The following LHFPL2 variants were observed in gnomAD, a reference collection of about 807,000 sequenced individuals.
LHFPL2 encodes the protein LHFPL tetraspan subfamily member 2 protein.
A neutral mutation model predicts 17.5 loss-of-function variants in LHFPL2; 7 were observed. That is an observed-to-expected ratio of 0.40 (90% confidence interval 0.23 to 0.75). The LOEUF is 0.75. Ranked by LOEUF, LHFPL2 falls within the 30% of genes least tolerant of loss-of-function variation. The pLI, the probability that LHFPL2 is intolerant of heterozygous loss-of-function variation, is 0.37. For synonymous variants in LHFPL2, 134 were observed against 116.2 expected (o/e 1.15, Z -0.99); for missense variants, 241 against 294.8 (o/e 0.82, Z 1.34).
intron 2 of LHFPL2, among the ~76,000 whole-genome samples, chr5:78,611,085 ATTC>A (rs1048216381): frequency 3.3e-5 from 5 of 152,330 alleles, no homozygotes; most frequent in Non-Finnish European, 7.3e-5. Flanking sequence ...GGAGGTATAA[ATTC>A]TTCTTCTAAG....
intron 3 of LHFPL2, among the ~76,000 whole-genome samples, chr5:78,558,415 G>A (rs1756638588): frequency 6.6e-6 from 1 of 152,194 alleles, no homozygotes; most frequent in South Asian, 2.1e-4. Context: ...CATGCAGATG[G>A]AATGACAACA....
chr5:78,532,402 T>A (rs1459462276), intron 3 of LHFPL2, among the ~76,000 whole-genome samples: 1 of 152,108 alleles, frequency 6.6e-6, no homozygotes, highest in Non-Finnish European at 1.5e-5. Flanking sequence ...CTAAGAGATG[T>A]GGCCATAAAG....
At chr5:78,624,459 G>T (rs1744962456) in intron 2 of LHFPL2, among the ~76,000 whole-genome samples, 1 of 152,212 alleles carries the variant, frequency 6.6e-6, no homozygotes, top group African/African-American at 2.4e-5. Context: ...AGGCCAAGTG[G>T]TAAAGCCTGA....
chr5:78,572,237 A>G (rs1030685809), intron 2 of LHFPL2, among the ~76,000 whole-genome samples: 2 of 151,916 alleles, frequency 1.3e-5, no homozygotes, highest in Non-Finnish European at 2.9e-5. Context: ...CATATGAAAG[A>G]GTGAGATTAC....
At chr5:78,492,077 G>A (rs886095883) in intron 4 of LHFPL2, among the ~76,000 whole-genome samples, 1 of 152,184 alleles carries the variant, frequency 6.6e-6, no homozygotes, top group Non-Finnish European at 1.5e-5. Context: ...AAGGTATGAT[G>A]GGGATGTTAA....
At chr5:78,594,381 T>A (rs1743755637) in intron 2 of LHFPL2, among the ~76,000 whole-genome samples, 1 of 152,260 alleles carries the variant, frequency 6.6e-6, no homozygotes, top group Admixed American at 6.5e-5. Context: ...CTATTCACTG[T>A]ATCTGTAATA....
chr5:78,557,306 C>T (rs1756597308), intron 3 of LHFPL2, among the ~76,000 whole-genome samples: 1 of 152,192 alleles, frequency 6.6e-6, no homozygotes, highest in African/African-American at 2.4e-5. Context: ...CTGCCAGTTT[C>T]CAGATGAATA....
At chr5:78,537,406 T>C (rs1429175803) in intron 3 of LHFPL2, among the ~76,000 whole-genome samples, 1 of 152,216 alleles carries the variant, frequency 6.6e-6, no homozygotes, top group Non-Finnish European at 1.5e-5. Context: ...AGATCTATTT[T>C]TAGGTGTCAA....
chr5:78,593,545 T>C (rs1743720364), intron 2 of LHFPL2, among the ~76,000 whole-genome samples: 1 of 152,164 alleles, frequency 6.6e-6, no homozygotes, highest in African/African-American at 2.4e-5. Flanking sequence ...CTCCAGAAGG[T>C]CATGGTTTAT....
chr5:78,644,778 C>A, intron 1 of LHFPL2: 1 of 232,960 alleles, frequency 4.3e-6, no homozygotes, highest in South Asian at 7.1e-5. Context: ...GTGCTCCTCC[C>A]AACAAGTGTG....
chr5:78,562,466 C>A (rs1299188177), intron 3 of LHFPL2, among the ~76,000 whole-genome samples: 1 of 152,102 alleles, frequency 6.6e-6, no homozygotes, highest in Non-Finnish European at 1.5e-5. Context: ...GAAACCCAGT[C>A]TCTGCTAAAA....
intron 2 of LHFPL2, among the ~76,000 whole-genome samples, chr5:78,578,615 AC>A (rs1245947141): frequency 5.9e-5 from 9 of 151,728 alleles, no homozygotes; most frequent in Non-Finnish European, 1.0e-4. Context: ...ACACACACAC[AC>A]ACACAGAGAC....
intron 3 of LHFPL2, among the ~76,000 whole-genome samples, chr5:78,529,109 TC>T (rs1379550163): frequency 1.3e-4 from 20 of 149,116 alleles, no homozygotes; most frequent in African/African-American, 4.7e-4. Context: ...AGACCACGTC[TC>T]TGAAAAAAAA....
At chr5:78,615,807 C>T (rs551297695) in intron 2 of LHFPL2, among the ~76,000 whole-genome samples, 1 of 152,274 alleles carries the variant, frequency 6.6e-6, no homozygotes, top group South Asian at 2.1e-4. Context: ...CTGAGGGATA[C>T]ACAAAAAATA....
intron 3 of LHFPL2, among the ~76,000 whole-genome samples, chr5:78,524,030 A>C (rs981769317): frequency 1.3e-5 from 2 of 152,182 alleles, no homozygotes; most frequent in Non-Finnish European, 2.9e-5. Flanking sequence ...GAAGACCTTA[A>C]ACTTCTCCAA....
chr5:78,562,862 T>C (rs922079336), intron 3 of LHFPL2, among the ~76,000 whole-genome samples: 1 of 152,178 alleles, frequency 6.6e-6, no homozygotes, highest in East Asian at 1.9e-4. Flanking sequence ...CTGAAGGCTT[T>C]GGCAGAATGA....
intron 2 of LHFPL2, among the ~76,000 whole-genome samples, chr5:78,580,607 T>A (rs1179415084): frequency 1.6e-5 from 2 of 127,944 alleles, no homozygotes; most frequent in African/African-American, 2.6e-5. Context: ...TAGGGAATCC[T>A]TTCCCCATTG....
rs1755043742 is a variant in LHFPL2, at chr5:78,509,670, CAGAA to C, written c.430+110_430+113del. 1.2e-5 allele frequency: 13 copies of C among 1,077,760 alleles called. No homozygotes were observed. The East Asian group carries it at 3.1e-4, about 26-fold the overall frequency. The allele number at this position is 1,077,760 out of a possible 1,614,324, so 66.8% of individuals were successfully genotyped here. A position where few individuals can be genotyped will look rare whatever the true frequency, so the allele number is the denominator to read the frequency against. On this transcript the variant is annotated intron_variant, in intron 4 of 4. Transcript: ENST00000380345. ...AAGGGGCAAAGGAAACCTGAATAGA[CAGAA>C]AGTGGTCTTCTCCAAAACTAGCAGG...
chr5:78,557,255 C>A (rs752809248), intron 3 of LHFPL2, among the ~76,000 whole-genome samples: 3 of 152,138 alleles, frequency 2.0e-5, no homozygotes, highest in Non-Finnish European at 4.4e-5. Context: ...TAGGGGTTTG[C>A]CCCAATGACT....
Sources: gnomAD v4.1 joint callset for allele counts (sites outside exome capture counted in the v4.1 genomes callset) on GRCh38, gnomAD v4.1.1 for gene constraint, MANE v1.5 for transcripts, NCBI Gene and HGNC (gene_info 2026-07-23, HGNC 2026-07-21) for gene names.